HS3ST5: variants seen among roughly 807,000 people sequenced by gnomAD.
HS3ST5 encodes heparan sulfate-glucosamine 3-sulfotransferase 5, also known as heparan sulfate glucosamine 3-O-sulfotransferase 5.
HS3ST5 carries 10 observed loss-of-function variants against 25.4 expected under a neutral mutation model. That is an observed-to-expected ratio of 0.39 (90% CI 0.24 to 0.67). The LOEUF (loss-of-function observed/expected upper bound fraction) is 0.67, where lower values mean the gene tolerates loss of function less well. Ranked by LOEUF, HS3ST5 falls within the 30% of genes least tolerant of loss-of-function variation. The pLI is 0.44. For missense variants in HS3ST5, 324 were observed against 420.7 expected (o/e 0.77, Z 2.01); for synonymous variants, 170 against 162.4 (o/e 1.05, Z -0.36).
intron 2 of HS3ST5, among the ~76,000 whole-genome samples, chr6:114,181,539 A>G (rs938177654): frequency 6.6e-6 from 1 of 152,220 alleles, no homozygotes; most frequent in Non-Finnish European, 1.5e-5. Context: ...AATCAGAAAT[A>G]TAGTCTGACC....
intron 2 of HS3ST5, among the ~76,000 whole-genome samples, chr6:114,176,452 T>C (rs1231820826): frequency 2.0e-5 from 3 of 152,204 alleles, no homozygotes; most frequent in Non-Finnish European, 4.4e-5. Flanking sequence ...AAAAGCCACT[T>C]GTATCATTGG....
intron 3 of HS3ST5, among the ~76,000 whole-genome samples, chr6:114,134,568 C>A (rs569670577): frequency 1.3e-5 from 2 of 152,300 alleles, no homozygotes; most frequent in Non-Finnish European, 2.9e-5. Context: ...CTCAGTTGTT[C>A]TCAGCCTAAG....
chr6:114,113,875 T>G (rs1051347382), intron 3 of HS3ST5, among the ~76,000 whole-genome samples: 1 of 152,078 alleles, frequency 6.6e-6, no homozygotes. Flanking sequence ...GGAAGTAGTA[T>G]GAAAGTAGGA....
At chr6:114,185,065 T>C (rs1375374588) in intron 2 of HS3ST5, among the ~76,000 whole-genome samples, 2 of 152,114 alleles carry the variant, frequency 1.3e-5, no homozygotes, top group African/African-American at 4.8e-5. Flanking sequence ...GATATTTAGA[T>C]GATGTCCTGG....
chr6:114,249,811 C>A (rs1287389599), intron 1 of HS3ST5, among the ~76,000 whole-genome samples: 1 of 152,126 alleles, frequency 6.6e-6, no homozygotes, highest in Non-Finnish European at 1.5e-5. Flanking sequence ...CATTTCCTTT[C>A]AGCTGTTGTT....
chr6:114,293,305 T>C (rs1288085400), intron 1 of HS3ST5, among the ~76,000 whole-genome samples: 1 of 152,142 alleles, frequency 6.6e-6, no homozygotes, highest in South Asian at 2.1e-4. Flanking sequence ...ACTATAACTT[T>C]AGAGTTTAAG....
intron 3 of HS3ST5, among the ~76,000 whole-genome samples, chr6:114,139,493 C>G (rs996220633): frequency 6.6e-6 from 1 of 152,096 alleles, no homozygotes; most frequent in Middle Eastern, 3.2e-3. Context: ...TGATTCTACT[C>G]TATATGAATA....
intron 3 of HS3ST5, among the ~76,000 whole-genome samples, chr6:114,159,313 T>C (rs552388948): frequency 6.6e-6 from 1 of 152,322 alleles, no homozygotes; most frequent in East Asian, 1.9e-4. Flanking sequence ...AGCATTTTTT[T>C]CAATAACCCC....
intron 3 of HS3ST5, among the ~76,000 whole-genome samples, chr6:114,160,201 A>G (rs1185232402): frequency 6.6e-6 from 1 of 152,048 alleles, no homozygotes; most frequent in East Asian, 1.9e-4. Flanking sequence ...GATAGTATAC[A>G]GGGTACTCTT....
intron 1 of HS3ST5, chr6:114,251,663 G>T (rs1772667360): frequency 6.6e-6 from 1 of 152,282 alleles, no homozygotes; most frequent in East Asian, 1.9e-4. Flanking sequence ...AACCCAATTT[G>T]GGCAAATTAG....
At chr6:114,242,770 G>A (rs1277991791) in intron 1 of HS3ST5, among the ~76,000 whole-genome samples, 3 of 151,124 alleles carry the variant, frequency 2.0e-5, no homozygotes, top group Non-Finnish European at 2.9e-5. Flanking sequence ...GGAGAATGGC[G>A]TGAACCCGGG....
intron 3 of HS3ST5, among the ~76,000 whole-genome samples, chr6:114,126,980 A>G (rs939546492): frequency 4.6e-5 from 7 of 152,202 alleles, no homozygotes; most frequent in African/African-American, 1.7e-4. Context: ...GCTTTCTCAT[A>G]GGTAAGGTGG....
chr6:114,144,462 A>T (rs1050049707), intron 3 of HS3ST5, among the ~76,000 whole-genome samples: 1 of 152,232 alleles, frequency 6.6e-6, no homozygotes, highest in Admixed American at 6.5e-5. Context: ...ACGGTCTTTG[A>T]TAAGTTGCAT....
At chr6:114,296,186 A>G (rs1774812422) in intron 1 of HS3ST5, among the ~76,000 whole-genome samples, 1 of 152,164 alleles carries the variant, frequency 6.6e-6, no homozygotes, top group Non-Finnish European at 1.5e-5. Context: ...TTACTCAACA[A>G]AGGCATGTTA....
At chr6:114,156,447 T>A (rs998167474) in intron 3 of HS3ST5, among the ~76,000 whole-genome samples, 1 of 152,226 alleles carries the variant, frequency 6.6e-6, no homozygotes, top group Non-Finnish European at 1.5e-5. Context: ...TAGTTGTGCT[T>A]AAGTTTAAAA....
At chr6:114,198,004 G>C (rs552851188) in intron 2 of HS3ST5, among the ~76,000 whole-genome samples, 1 of 152,194 alleles carries the variant, frequency 6.6e-6, no homozygotes, top group South Asian at 2.1e-4. Context: ...AGCTCAAGGA[G>C]ATCCAAGAGA....
At chr6:114,090,835 G>A (rs747382139) in intron 3 of HS3ST5, among the ~76,000 whole-genome samples, 4 of 152,182 alleles carry the variant, frequency 2.6e-5, no homozygotes, top group East Asian at 3.8e-4. Context: ...GGACGGTGAC[G>A]TGAATTTTGC....
intron 1 of HS3ST5, among the ~76,000 whole-genome samples, chr6:114,284,941 T>C (rs1774273297): frequency 1.3e-5 from 2 of 152,092 alleles, no homozygotes; most frequent in African/African-American, 2.4e-5. Flanking sequence ...CATTTGTCTA[T>C]ATAATATGAC....
chr6:114,070,045 G>A lies in HS3ST5; in HGVS notation c.-32-7168C>T, dbSNP rs141021039. ...TCTGAGATTTTAGTGCACTTGGTACGCAAGCAGTGTACACTGTACCCAATA... is the reference window on the plus strand; with the variant it reads ...TCTGAGATTTTAGTGCACTTGGTACACAAGCAGTGTACACTGTACCCAATA... On this transcript the variant is annotated intron_variant, in intron 3 of 4. Transcript: ENST00000312719. 6.4e-3 allele frequency among the ~76,000 whole-genome samples: 978 copies of A among 152,082 alleles called. 10 individuals carry two copies. The highest frequency in any genetic ancestry group is 0.018 in the African/African-American group (762 of 41,484).
Sources: allele counts gnomAD v4.1 joint callset (sites outside exome capture counted in the v4.1 genomes callset), GRCh38; gene constraint gnomAD v4.1.1; transcripts MANE v1.5; gene names NCBI Gene and HGNC (gene_info 2026-07-23, HGNC 2026-07-21).